TPRG1: variants seen among roughly 807,000 people sequenced by gnomAD.
TPRG1 encodes the protein tumor protein p63 regulated 1.
In TPRG1, 29 loss-of-function variants were observed where a neutral mutation model predicts 29.3. The observed-to-expected ratio is 0.99, with a 90% CI of 0.74 to 1.35. TPRG1 has a LOEUF of 1.35. Ranked by LOEUF, TPRG1 falls within the 40% of genes most tolerant of loss-of-function variation. The pLI is 0.00. For missense variants in TPRG1, 327 were observed against 335.0 expected, an observed-to-expected ratio of 0.98 and a Z score of 0.19; for synonymous variants, 130 against 116.8, an observed-to-expected ratio of 1.11 and a Z score of -0.73.
intron 1 of TPRG1, among the ~76,000 whole-genome samples, chr3:189,106,695 A>G (rs1719864358): frequency 6.6e-6 from 1 of 152,080 alleles, no homozygotes; most frequent in Admixed American, 6.6e-5. Flanking sequence ...GTAATAAATG[A>G]TTGTCACACA....
chr3:189,090,900 T>C (rs1718294893), intron 4 of TPRG1, among the ~76,000 whole-genome samples: 1 of 152,136 alleles, frequency 6.6e-6, no homozygotes. Context: ...AATTGTTTCA[T>C]GCATTTATGT....
chr3:189,055,334 T>C (rs1715595330), intron 4 of TPRG1, among the ~76,000 whole-genome samples: 1 of 152,186 alleles, frequency 6.6e-6, no homozygotes, highest in Non-Finnish European at 1.5e-5. Context: ...AATTGAATTT[T>C]AAGGAAATGT....
chr3:189,271,568 A>G (rs1715136603), intron 4 of TPRG1, among the ~76,000 whole-genome samples: 1 of 152,222 alleles, frequency 6.6e-6, no homozygotes, highest in Admixed American at 6.5e-5. Flanking sequence ...TATTTTGGGT[A>G]TTGTGCATGC....
At chr3:189,275,999 TAAAG>T (rs1468026161) in intron 4 of TPRG1, among the ~76,000 whole-genome samples, 2 of 152,106 alleles carry the variant, frequency 1.3e-5, no homozygotes, top group Non-Finnish European at 2.9e-5. Flanking sequence ...GAAAGCTTCT[TAAAG>T]GAAGTGAACC....
Position 189,113,921 on chromosome 3 carries a change from T to TAATAA in TPRG1, c.-743-13109_-743-13105dup, listed in dbSNP as rs4011843. ...TACCCTAAAACTTAAAGTATAATAA[T>TAATAA]AATAAAATAAAATAAAATAAAATAA... On this transcript the variant is annotated intron_variant, in intron 1 of 6. Coordinates refer to the TPRG1 transcript ENST00000412373. 3.4e-3 allele frequency among the ~76,000 whole-genome samples: 510 copies of TAATAA among 150,412 alleles called. 1 individual carries two copies. The highest frequency in any genetic ancestry group is 0.017 in the Middle Eastern group (5 of 292).
intron 4 of TPRG1, among the ~76,000 whole-genome samples, chr3:189,055,196 A>T (rs1715583178): frequency 6.6e-6 from 1 of 152,216 alleles, no homozygotes; most frequent in South Asian, 2.1e-4. Flanking sequence ...CTTAATGCCC[A>T]GTCTAAAAGT....
chr3:189,197,055 G>A (rs1732659112), intron 1 of TPRG1, among the ~76,000 whole-genome samples: 1 of 151,996 alleles, frequency 6.6e-6, no homozygotes, highest in African/African-American at 2.4e-5. Flanking sequence ...TGCTGGGAAG[G>A]TAGTAATCTC....
At chr3:189,286,664 T>C (rs553258049) in intron 4 of TPRG1, among the ~76,000 whole-genome samples, 142 of 152,198 alleles carry the variant, frequency 9.3e-4, no homozygotes, top group Non-Finnish European at 1.6e-4. Context: ...ACCTCAGATT[T>C]GTAGGCCAGC....
In TPRG1 at chr3:189,176,104, C is replaced by T. The variant is rs200037471; in HGVS notation, c.-10+3973C>T. 7.9e-5 allele frequency among the ~76,000 whole-genome samples: 12 copies of T among 152,248 alleles called. No homozygotes were observed. The East Asian group carries it at 1.2e-3, about 15-fold the overall frequency. On this transcript the variant is annotated intron_variant, in intron 1 of 5. Transcript: ENST00000345063. ...TTTGTTTTGCAAAGGGCTACACTGT[C>T]ACCAAAGCAATATTTAATATTTACA... is the stretch of plus-strand genomic sequence containing the variant.
At chr3:189,167,126 A>G (rs763326602), upstream of TPRG1, among the ~76,000 whole-genome samples, 2 of 152,228 alleles carry the variant, frequency 1.3e-5, no homozygotes, top group Admixed American at 6.5e-5. Context: ...GATTCCATCT[A>G]GCTCTTGACA....
intron 4 of TPRG1, among the ~76,000 whole-genome samples, chr3:189,252,410 A>T (rs1742428938): frequency 6.6e-6 from 1 of 152,198 alleles, no homozygotes; most frequent in Non-Finnish European, 1.5e-5. Context: ...TCTCCAGGGT[A>T]ACTAGTAGCT....
intron 4 of TPRG1, among the ~76,000 whole-genome samples, chr3:189,301,610 A>G (rs1164185484): frequency 6.6e-6 from 1 of 151,836 alleles, no homozygotes; most frequent in Non-Finnish European, 1.5e-5. Flanking sequence ...TTACCACCCA[A>G]TCTTTGATTT....
At chr3:189,031,619 G>A (rs1409041657) in intron 4 of TPRG1, among the ~76,000 whole-genome samples, 3 of 152,158 alleles carry the variant, frequency 2.0e-5, no homozygotes, top group Non-Finnish European at 4.4e-5. Context: ...AACTGTTGCT[G>A]AGTGAATATC....
At chr3:189,220,912 A>G (rs1736847059) in intron 3 of TPRG1, among the ~76,000 whole-genome samples, 1 of 152,180 alleles carries the variant, frequency 6.6e-6, no homozygotes, top group African/African-American at 2.4e-5. Context: ...AACATTTATG[A>G]TCTTCTCTAA....
At chr3:189,158,614 A>C (rs1409078695) in intron 5 of TPRG1, among the ~76,000 whole-genome samples, 1 of 151,606 alleles carries the variant, frequency 6.6e-6, no homozygotes, top group African/African-American at 2.4e-5. Context: ...ATCTCAAAAA[A>C]TAAAAAAAAA....
chr3:189,069,338 G>C (rs1716667804), intron 4 of TPRG1, among the ~76,000 whole-genome samples: 1 of 152,166 alleles, frequency 6.6e-6, no homozygotes, highest in Non-Finnish European at 1.5e-5. Flanking sequence ...ATGGTTACCA[G>C]GGATAAAGGT....
intron 3 of TPRG1, among the ~76,000 whole-genome samples, chr3:189,021,322 A>T (rs1328573380): frequency 6.7e-6 from 1 of 149,786 alleles, no homozygotes; most frequent in African/African-American, 2.5e-5. Context: ...GTTTCTTCCT[A>T]GTCTCGATGG....
intron 1 of TPRG1, among the ~76,000 whole-genome samples, chr3:189,174,589 G>A (rs1283940281): frequency 6.6e-6 from 1 of 152,114 alleles, no homozygotes; most frequent in African/African-American, 2.4e-5. Flanking sequence ...CAGGCTACAG[G>A]TTAATGGCAC....
At chr3:189,187,936 A>G (rs1490700091) in intron 1 of TPRG1, among the ~76,000 whole-genome samples, 1 of 152,230 alleles carries the variant, frequency 6.6e-6, no homozygotes, top group Non-Finnish European at 1.5e-5. Flanking sequence ...TATATCACCC[A>G]CAATGTTGTA....
Sources: gnomAD v4.1 joint callset for allele counts (sites outside exome capture counted in the v4.1 genomes callset) on GRCh38, gnomAD v4.1.1 for gene constraint, MANE v1.5 for transcripts, NCBI Gene and HGNC (gene_info 2026-07-23, HGNC 2026-07-21) for gene names.